Variants in RGS20 observed in about 807,000 individuals in gnomAD.
The protein encoded by RGS20 is regulator of G protein signaling 20.
In RGS20, 30 loss-of-function variants were observed where a neutral mutation model predicts 33.6. The ratio of observed to expected loss-of-function variants is 0.89; its 90% confidence interval spans 0.67 to 1.21. The LOEUF (loss-of-function observed/expected upper bound fraction) is 1.21, where lower values mean the gene tolerates loss of function less well. RGS20 is among the 50% of genes most tolerant of loss of function. The pLI is 0.00. For synonymous variants in RGS20, 208 were observed against 197.9 expected, an observed-to-expected ratio of 1.05 and a Z score of -0.43; for missense variants, 472 against 502.4, an observed-to-expected ratio of 0.94 and a Z score of 0.58.
chr8:53,862,558 A>G (rs1352534625), intron 1 of RGS20, among the ~76,000 whole-genome samples: 1 of 152,228 alleles, frequency 6.6e-6, no homozygotes, highest in Non-Finnish European at 1.5e-5. Flanking sequence ...ATGGTGGCTC[A>G]TCCCTGTAAT....
At chr8:53,950,613 ATGTTT>A (rs1293507665) in intron 4 of RGS20, among the ~76,000 whole-genome samples, 1 of 151,446 alleles carries the variant, frequency 6.6e-6, no homozygotes, top group Non-Finnish European at 1.5e-5. Context: ...ATTGACATTA[ATGTTT>A]TGTTTTTTTT....
At chr8:53,914,999 GCT>G (rs1206393260) in intron 2 of RGS20, among the ~76,000 whole-genome samples, 1 of 152,094 alleles carries the variant, frequency 6.6e-6, no homozygotes, top group Non-Finnish European at 1.5e-5. Context: ...ACAAAAATTA[GCT>G]GGGTGTGGTG....
chr8:53,901,062 C>CTT (rs367844788), intron 2 of RGS20, among the ~76,000 whole-genome samples: 19 of 131,240 alleles, frequency 1.4e-4, no homozygotes, highest in Non-Finnish European at 1.9e-4. Context: ...ATACTTGTCT[C>CTT]TTTTTTTTTT....
intron 1 of RGS20, among the ~76,000 whole-genome samples, chr8:53,865,665 G>A (rs998534816): frequency 2.0e-4 from 30 of 152,244 alleles, no homozygotes; most frequent in African/African-American, 5.5e-4. Flanking sequence ...GGCATGCAGC[G>A]GTGTGATCTC....
At chr8:53,947,134 C>A (rs1229270274) in intron 4 of RGS20, among the ~76,000 whole-genome samples, 6 of 142,644 alleles carry the variant, frequency 4.2e-5, no homozygotes, top group Admixed American at 3.6e-4. Flanking sequence ...CTTATATATG[C>A]TATATATATG....
At chr8:53,884,185 AAC>A (rs1171109264) in intron 2 of RGS20, among the ~76,000 whole-genome samples, 19 of 146,918 alleles carry the variant, frequency 1.3e-4, no homozygotes, top group African/African-American at 3.8e-4. Context: ...AAATTAGAAA[AAC>A]AGTCTTTTTT....
At chr8:53,867,286 C>T (rs961786773) in intron 1 of RGS20, among the ~76,000 whole-genome samples, 1 of 152,108 alleles carries the variant, frequency 6.6e-6, no homozygotes, top group Non-Finnish European at 1.5e-5. Context: ...ATATTCTGAG[C>T]AACTCCATCC....
At chr8:53,870,024 G>T (rs1377308052) in intron 1 of RGS20, among the ~76,000 whole-genome samples, 3 of 152,170 alleles carry the variant, frequency 2.0e-5, no homozygotes, top group Non-Finnish European at 4.4e-5. Flanking sequence ...GGGGGAGTAG[G>T]AGTGATGGTA....
chr8:53,858,725 G>T (rs778308923), intron 1 of RGS20, among the ~76,000 whole-genome samples: 1 of 151,882 alleles, frequency 6.6e-6, no homozygotes, highest in Non-Finnish European at 1.5e-5. Flanking sequence ...CAATTGAGAC[G>T]CCCCCAAGCA....
chr8:53,857,176 T>C (rs1445269609), intron 1 of RGS20, among the ~76,000 whole-genome samples: 1 of 152,210 alleles, frequency 6.6e-6, no homozygotes, highest in African/African-American at 2.4e-5. Context: ...CTTGAGATGT[T>C]CACAAACCTA....
At chr8:53,863,977 T>C (rs1251296266) in intron 1 of RGS20, among the ~76,000 whole-genome samples, 1 of 152,012 alleles carries the variant, frequency 6.6e-6, no homozygotes, top group African/African-American at 2.4e-5. Context: ...TCTGCCTTCC[T>C]CGGCCTCCCA....
Position 53,919,776 on chromosome 8 carries a change from G to A in RGS20, c.511-19800G>A, listed in dbSNP as rs190512340. ...AAAAAGAAAACAAAACAGGCATCTG[G>A]GATTTTGATAGGGATTGCATTGAAT... is the stretch of plus-strand genomic sequence containing the variant. On this transcript the variant is annotated intron_variant, in intron 2 of 5. Coordinates refer to ENST00000297313, the MANE Select transcript of RGS20 (RefSeq NM_170587.4). Among the ~76,000 whole-genome samples the A allele has an allele frequency of 1.1e-3, 169 of 152,034 alleles. 1 individual carries two copies. Among genetic ancestry groups the A allele is most frequent in the Non-Finnish European group, 2.0e-3 (134 of 67,960 alleles).
chr8:53,944,325 G>A lies in RGS20; in HGVS notation c.660-2340G>A, dbSNP rs1814399317. Among the ~76,000 whole-genome samples, 3 of 152,106 alleles carry A rather than the reference G, an allele frequency of 2.0e-5. No individual in the cohort carries two copies. In the South Asian group the frequency reaches 6.2e-4, roughly 32 times the overall value. The stretch of plus-strand genomic sequence containing the variant: ...GAGGCCGAGGCGGGCAGATCACAAG[G>A]TCAGCAATTCAAGACCAGCAGGACC... On this transcript the variant is annotated intron_variant, in intron 3 of 5. Transcript: ENST00000297313.
chr8:53,879,694 G>T, intron 2 of RGS20: 1 of 1,105,054 alleles, frequency 9.0e-7, no homozygotes, highest in East Asian at 3.0e-5. Flanking sequence ...GACCCGCTCC[G>T]CTGGGGCTAG....
chr8:53,900,952 G>A (rs1353632702), intron 2 of RGS20, among the ~76,000 whole-genome samples: 2 of 151,900 alleles, frequency 1.3e-5, no homozygotes, highest in Admixed American at 6.6e-5. Context: ...GGCTGTTCAC[G>A]TCCTGACCTG....
At chr8:53,905,116 A>G (rs1385878760) in intron 2 of RGS20, among the ~76,000 whole-genome samples, 1 of 152,246 alleles carries the variant, frequency 6.6e-6, no homozygotes, top group Non-Finnish European at 1.5e-5. Flanking sequence ...AAAGATGAGG[A>G]CATCTGTAAG....
At chr8:53,952,739 A>G (rs547461792) in intron 4 of RGS20, among the ~76,000 whole-genome samples, 317 of 152,318 alleles carry the variant, frequency 2.1e-3, no homozygotes, top group Non-Finnish European at 3.6e-3. Flanking sequence ...AAAATAAAAT[A>G]AAGAAATAAA....
intron 1 of RGS20, among the ~76,000 whole-genome samples, chr8:53,864,620 G>A (rs967925453): frequency 6.6e-6 from 1 of 151,930 alleles, no homozygotes; most frequent in Non-Finnish European, 1.5e-5. Context: ...GATGGACCTC[G>A]TACATAGTGG....
Position 53,880,863 on chromosome 8 carries a change from G to C in RGS20, c.510+1261G>C. On this transcript the variant is annotated intron_variant, in intron 2 of 5. Coordinates refer to ENST00000297313, the MANE Select transcript of RGS20 (RefSeq NM_170587.4). ...CCGGGTAAAAGGAGTGAGGGGGCGG[G>C]GAGGAGGCAGAGCAAGGGGAGGAAG... is the stretch of plus-strand genomic sequence containing the variant. The C allele has an allele frequency of 1.4e-6, 2 of 1,439,034 alleles. No homozygotes were observed. The highest frequency in any genetic ancestry group is 2.6e-5 in the Admixed American group (1 of 38,802). 89.1% of individuals were successfully genotyped at this position (1,439,034 alleles called of 1,614,324 possible). A position where few individuals can be genotyped will look rare whatever the true frequency, so the allele number is the denominator to read the frequency against.
Sources: gnomAD v4.1 joint callset for allele counts (sites outside exome capture counted in the v4.1 genomes callset) on GRCh38, gnomAD v4.1.1 for gene constraint, MANE v1.5 for transcripts, NCBI Gene and HGNC (gene_info 2026-07-23, HGNC 2026-07-21) for gene names.